LPP: variants seen among roughly 807,000 people sequenced by gnomAD.
LPP encodes the protein lipoma-preferred partner.
Under a neutral mutation model 60.4 loss-of-function variants are expected in LPP, and 38 were observed. The observed-to-expected ratio is 0.63, with a 90% CI of 0.49 to 0.83. LPP has a LOEUF of 0.83. LPP is among the 40% of genes least tolerant of loss of function. The probability of loss-of-function intolerance (pLI) is 0.00; values close to 1 mark genes in which losing one functional copy is unlikely to be tolerated. For synonymous variants in LPP, 328 were observed against 290.8 expected (o/e 1.13, Z -1.30); for missense variants, 902 against 783.6 (o/e 1.15, Z -1.80).
chr3:188,504,946 G>C (rs1018423519), intron 5 of LPP, among the ~76,000 whole-genome samples: 1 of 152,108 alleles, frequency 6.6e-6, no homozygotes, highest in African/African-American at 2.4e-5. Context: ...TTGATATATG[G>C]AAGACAGGTC....
Position 188,460,466 on chromosome 3 carries a change from A to C in LPP, c.194-24126A>C, listed in dbSNP as rs567932145. The stretch of plus-strand genomic sequence containing the variant: ...GAAAATCAGGCTTTGTCCCTTGCAG[A>C]AAACTTGACTGGTTCCAGGCGCAGT... On this transcript the variant is annotated intron_variant, in intron 4 of 11. Coordinates refer to ENST00000617246, the MANE Select transcript of LPP (RefSeq NM_001375462.1). Among the ~76,000 whole-genome samples the C allele has an allele frequency of 3.3e-5, 5 of 152,324 alleles. No homozygotes were observed. The East Asian group carries it at 9.6e-4, about 29-fold the overall frequency.
chr3:188,565,649 T>G (rs1217676225), intron 6 of LPP, among the ~76,000 whole-genome samples: 1 of 151,844 alleles, frequency 6.6e-6, no homozygotes, highest in Non-Finnish European at 1.5e-5. Context: ...CTGAACGGGG[T>G]TTTTGTTTTT....
intron 6 of LPP, among the ~76,000 whole-genome samples, chr3:188,582,297 T>G (rs1283855562): frequency 6.6e-6 from 1 of 151,530 alleles, no homozygotes; most frequent in Non-Finnish European, 1.5e-5. Context: ...AGTAGCTGTG[T>G]CTACAGGTGT....
intron 2 of LPP, among the ~76,000 whole-genome samples, chr3:188,337,117 G>A (rs1385602654): frequency 6.6e-6 from 1 of 152,214 alleles, no homozygotes; most frequent in African/African-American, 2.4e-5. Flanking sequence ...CCATGGGGAA[G>A]AGTGGAACAG....
At chr3:188,695,972 G>T (rs1005622102) in intron 7 of LPP, among the ~76,000 whole-genome samples, 1 of 152,154 alleles carries the variant, frequency 6.6e-6, no homozygotes, top group Non-Finnish European at 1.5e-5. Context: ...CTTAATATGG[G>T]TATGATTTTG....
chr3:188,552,947 G>A (rs368122540), intron 6 of LPP, among the ~76,000 whole-genome samples: 1 of 152,256 alleles, frequency 6.6e-6, no homozygotes, highest in South Asian at 2.1e-4. Flanking sequence ...TAGGAAAGTA[G>A]ATAAGTTCAC....
chr3:188,168,953 T>C (rs1184240042), intron 1 of LPP, among the ~76,000 whole-genome samples: 1 of 152,216 alleles, frequency 6.6e-6, no homozygotes, highest in African/African-American at 2.4e-5. Context: ...CCCCATCAGT[T>C]TGCAAACACC....
At chr3:188,229,547 T>G (rs1362343125) in intron 2 of LPP, among the ~76,000 whole-genome samples, 1 of 152,192 alleles carries the variant, frequency 6.6e-6, no homozygotes, top group African/African-American at 2.4e-5. Context: ...CTCAGCTAGC[T>G]TTTATTGCTT....
At chr3:188,240,681 GC>G (rs1724188828) in intron 2 of LPP, among the ~76,000 whole-genome samples, 1 of 144,394 alleles carries the variant, frequency 6.9e-6, no homozygotes, top group African/African-American at 2.9e-5. Context: ...AACTAGTAAG[GC>G]TGCTCAGGTG....
At chr3:188,615,067 T>C (rs1468396061) in intron 7 of LPP, among the ~76,000 whole-genome samples, 2 of 152,210 alleles carry the variant, frequency 1.3e-5, no homozygotes, top group Non-Finnish European at 2.9e-5. Flanking sequence ...GTCATCTCTG[T>C]ACCCATACAT....
At chr3:188,851,080 T>G (rs1443059908) in intron 9 of LPP, among the ~76,000 whole-genome samples, 2 of 152,192 alleles carry the variant, frequency 1.3e-5, no homozygotes, top group Admixed American at 6.5e-5. Flanking sequence ...ACCAGTGGAA[T>G]GAACGAACCA....
In LPP at chr3:188,886,738, AC is replaced by A. The variant is rs1249605223; in HGVS notation, c.*12260del. The A allele has an allele frequency of 7.4e-5, 4 of 54,182 alleles. No homozygotes were observed. The highest frequency in any genetic ancestry group is 1.3e-4 in the Non-Finnish European group (4 of 29,724). The allele number at this position is 54,182 out of a possible 1,614,324, so 3.4% of individuals were successfully genotyped here. A position where few individuals can be genotyped will look rare whatever the true frequency, so the allele number is the denominator to read the frequency against. ...CTTCAAAACACACACACACACACATACACACACACACACACACACACACACA... is the reference window on the plus strand; with the variant it reads ...CTTCAAAACACACACACACACACATAACACACACACACACACACACACACA... On this transcript the variant is annotated 3_prime_UTR_variant, in exon 12 of 12. Transcript: ENST00000617246.
chr3:188,252,032 A>ATATG (rs1729827825), intron 2 of LPP, among the ~76,000 whole-genome samples: 2 of 8,030 alleles, frequency 2.5e-4, no homozygotes, highest in African/African-American at 6.5e-4. Context: ...TTTAATCCTG[A>ATATG]TATATATATA....
chr3:188,170,683 C>T (rs1452792347), intron 1 of LPP, among the ~76,000 whole-genome samples: 4 of 152,090 alleles, frequency 2.6e-5, no homozygotes, highest in African/African-American at 7.2e-5. Context: ...GTCTAGTTTC[C>T]GTTTACCTTG....
chr3:188,269,246 G>T (rs573135893), intron 2 of LPP, among the ~76,000 whole-genome samples: 16 of 152,320 alleles, frequency 1.1e-4, no homozygotes, highest in Admixed American at 5.9e-4. Context: ...AATTTTATGA[G>T]CTCCATGTTG....
intron 8 of LPP, chr3:188,746,353 GA>G: frequency 4.7e-6 from 2 of 428,052 alleles, no homozygotes; most frequent in Non-Finnish European, 4.7e-6. Context: ...ACAGGGGGCA[GA>G]AAAACACGCT....
At chr3:188,520,304 C>T (rs761920888) in intron 5 of LPP, among the ~76,000 whole-genome samples, 6 of 152,222 alleles carry the variant, frequency 3.9e-5, no homozygotes, top group Admixed American at 2.0e-4. Context: ...CTCCCACCTT[C>T]GTGTACCAGC....
intron 4 of LPP, among the ~76,000 whole-genome samples, chr3:188,417,874 A>G (rs996024020): frequency 6.6e-6 from 1 of 152,168 alleles, no homozygotes; most frequent in Non-Finnish European, 1.5e-5. Context: ...TCAAACACAC[A>G]CGCTTAAGAA....
rs371023738 is a variant in LPP at position 188,221,014 on chromosome 3, C to T, written c.-189-4391C>T. ...CTTTCTATTGTGTCACTTCCCGAAA[C>T]GCAACACCTATGGCTTAAGATCCAA... is the stretch of plus-strand genomic sequence containing the variant. On this transcript the variant is annotated intron_variant, in intron 1 of 11. Transcript: ENST00000617246. Among the ~76,000 whole-genome samples the T allele has an allele frequency of 1.6e-4, 25 of 152,286 alleles. No homozygotes were observed. In the East Asian group the frequency reaches 2.7e-3, roughly 16 times the overall value.
Sources: gnomAD v4.1 joint callset for allele counts (sites outside exome capture counted in the v4.1 genomes callset) on GRCh38, gnomAD v4.1.1 for gene constraint, MANE v1.5 for transcripts, NCBI Gene and HGNC (gene_info 2026-07-23, HGNC 2026-07-21) for gene names.